The following STX8 variants were observed in gnomAD, a reference collection of about 807,000 sequenced individuals.
STX8 encodes syntaxin 8.
A neutral mutation model predicts 37.5 loss-of-function variants in STX8; 23 were observed. The ratio of observed to expected loss-of-function variants is 0.61; its 90% confidence interval spans 0.44 to 0.87. STX8 has a LOEUF of 0.87. Ranked by LOEUF, STX8 falls within the 40% of genes least tolerant of loss-of-function variation. The pLI, the probability that STX8 is intolerant of heterozygous loss-of-function variation, is 0.00. For missense variants in STX8, 313 were observed against 284.7 expected, an observed-to-expected ratio of 1.10 and a Z score of -0.71; for synonymous variants, 115 against 99.1, an observed-to-expected ratio of 1.16 and a Z score of -0.95.
At chr17:9,421,452 G>A in intron 6 of STX8, among the ~76,000 whole-genome samples, 1 of 142,636 alleles carries the variant, frequency 7.0e-6, no homozygotes, top group Middle Eastern at 4.0e-3. Context: ...GGCCAGAGCA[G>A]GCATGCCTTC....
chr17:9,444,191 GT>G (rs1013834432), intron 6 of STX8, among the ~76,000 whole-genome samples: 1 of 151,756 alleles, frequency 6.6e-6, no homozygotes, highest in Non-Finnish European at 1.5e-5. Context: ...GTCTTGCTAT[GT>G]TGTCCCAGGC....
chr17:9,484,177 C>T (rs1168495767), intron 6 of STX8, among the ~76,000 whole-genome samples: 1 of 152,104 alleles, frequency 6.6e-6, no homozygotes, highest in Non-Finnish European at 1.5e-5. Context: ...TCATCAGTCA[C>T]TATTTGCCAT....
chr17:9,369,192 T>C (rs1049044106), intron 7 of STX8, among the ~76,000 whole-genome samples: 4 of 152,170 alleles, frequency 2.6e-5, no homozygotes, highest in Non-Finnish European at 5.9e-5. Flanking sequence ...ATGGGAAAAC[T>C]TGAGGACAAG....
At chr17:9,400,343 C>T (rs1031334250) in intron 6 of STX8, among the ~76,000 whole-genome samples, 10 of 151,826 alleles carry the variant, frequency 6.6e-5, no homozygotes, top group South Asian at 2.1e-4. Flanking sequence ...CCTTGTGATC[C>T]GCCTGCCTCA....
At chr17:9,338,964 C>T (rs1910235792) in intron 7 of STX8, among the ~76,000 whole-genome samples, 1 of 150,814 alleles carries the variant, frequency 6.6e-6, no homozygotes, top group Non-Finnish European at 1.5e-5. Flanking sequence ...CCAGCTACTC[C>T]AGAGGCTGAG....
intron 7 of STX8, among the ~76,000 whole-genome samples, chr17:9,324,109 GTCTC>G (rs1051588898): frequency 8.1e-5 from 11 of 135,634 alleles, no homozygotes; most frequent in East Asian, 2.2e-4. Context: ...CTCTCTCTCT[GTCTC>G]TCTCTCTCTC....
chr17:9,452,848 C>T (rs1905085870), intron 6 of STX8, among the ~76,000 whole-genome samples: 1 of 151,450 alleles, frequency 6.6e-6, no homozygotes. Context: ...TGCCAGGCTG[C>T]AGTGCTATAG....
At chr17:9,343,018 C>CAAAAAAAA (rs4063994) in intron 7 of STX8, among the ~76,000 whole-genome samples, 1 of 110,498 alleles carries the variant, frequency 9.0e-6, no homozygotes, top group African/African-American at 3.7e-5. Context: ...GAAACTGTCT[C>CAAAAAAAA]AAAAAAAAAA....
chr17:9,284,316 A>T (rs1907998199), intron 7 of STX8, among the ~76,000 whole-genome samples: 1 of 152,212 alleles, frequency 6.6e-6, no homozygotes, highest in Non-Finnish European at 1.5e-5. Context: ...AAATCTTCAA[A>T]TTAATAAACC....
At chr17:9,493,199 A>T (rs1395788487) in intron 5 of STX8, among the ~76,000 whole-genome samples, 2 of 152,096 alleles carry the variant, frequency 1.3e-5, no homozygotes, top group African/African-American at 4.8e-5. Flanking sequence ...CAGGAGTTCG[A>T]GGCTGCAGTG....
At chr17:9,261,512 A>G (rs1056741164) in intron 7 of STX8, among the ~76,000 whole-genome samples, 1 of 152,162 alleles carries the variant, frequency 6.6e-6, no homozygotes, top group Non-Finnish European at 1.5e-5. Flanking sequence ...CACAAACACG[A>G]AACTCTGCAG....
chr17:9,527,237 A>G (rs1354869727), intron 4 of STX8, among the ~76,000 whole-genome samples: 6 of 138,258 alleles, frequency 4.3e-5, no homozygotes, highest in African/African-American at 8.0e-5. Flanking sequence ...TGAGCCCAGG[A>G]GTTAGAATCC....
chr17:9,389,189 T>A (rs1409206453), intron 6 of STX8, among the ~76,000 whole-genome samples: 1 of 152,264 alleles, frequency 6.6e-6, no homozygotes, highest in Non-Finnish European at 1.5e-5. Flanking sequence ...TTGTCAGTTA[T>A]GACCTCAGAA....
intron 7 of STX8, among the ~76,000 whole-genome samples, chr17:9,295,928 T>C (rs573276492): frequency 5.9e-4 from 89 of 150,278 alleles, no homozygotes; most frequent in East Asian, 2.0e-3. Context: ...CAGTGGCTCA[T>C]GCCTGTAATC....
Position 9,435,504 on chromosome 17 carries a change from T to C in STX8, c.541+56325A>G, listed in dbSNP as rs181275628. On this transcript the variant is annotated intron_variant, in intron 6 of 7. Coordinates refer to ENST00000306357, the MANE Select transcript of STX8 (RefSeq NM_004853.3). Reference sequence around the variant, plus strand: ...GCATGCTGACTTTCATCGTTACTTATCTGGATTGTGAAAACATGCCCTGTT... The same window carrying C: ...GCATGCTGACTTTCATCGTTACTTACCTGGATTGTGAAAACATGCCCTGTT... 1.1e-4 allele frequency among the ~76,000 whole-genome samples: 17 copies of C among 152,340 alleles called. No individual in the cohort carries two copies. In the East Asian group the frequency reaches 3.1e-3, roughly 28 times the overall value.
intron 7 of STX8, among the ~76,000 whole-genome samples, chr17:9,269,967 A>C (rs543352191): frequency 6.6e-6 from 1 of 152,328 alleles, no homozygotes; most frequent in East Asian, 1.9e-4. Flanking sequence ...TATACTAAAC[A>C]CATGCGGTAC....
chr17:9,551,790 C>T (rs1383928820), intron 3 of STX8, among the ~76,000 whole-genome samples: 1 of 152,072 alleles, frequency 6.6e-6, no homozygotes, highest in Non-Finnish European at 1.5e-5. Context: ...AGCTGGTCTT[C>T]AATCTCAGTT....
At position 9,439,548 on chromosome 17, in the gene STX8, T is replaced by TTG. The variant is rs1555527556; in HGVS notation, c.541+52280_541+52281insCA. Among the ~76,000 whole-genome samples, 81 of 148,122 alleles carry TTG rather than the reference T, an allele frequency of 5.5e-4. 1 individual carries two copies. Among genetic ancestry groups the TTG allele is most frequent in the Non-Finnish European group, 4.5e-4 (30 of 66,716 alleles). On this transcript the variant is annotated intron_variant, in intron 6 of 7. Transcript: ENST00000306357. ...TGCCATATAATTTTTTTTTTTTTTT[T>TTG]GCGGTGGTGTGATCTTGGCTCACTG...
intron 7 of STX8, among the ~76,000 whole-genome samples, chr17:9,328,484 C>T (rs991250395): frequency 3.9e-5 from 6 of 152,170 alleles, no homozygotes; most frequent in East Asian, 3.9e-4. Context: ...TCCTTCTGAA[C>T]GTGGGAATCC....
Sources: allele counts gnomAD v4.1 joint callset (sites outside exome capture counted in the v4.1 genomes callset), GRCh38; gene constraint gnomAD v4.1.1; transcripts MANE v1.5; gene names NCBI Gene and HGNC (gene_info 2026-07-23, HGNC 2026-07-21).